The following PLEKHH2 variants were observed in gnomAD, a reference collection of about 807,000 sequenced individuals.
PLEKHH2 encodes pleckstrin homology domain-containing family H member 2.
In PLEKHH2, 129 loss-of-function variants were observed where a neutral mutation model predicts 187.9. That is an observed-to-expected ratio of 0.69 (90% CI 0.59 to 0.79). PLEKHH2 has a LOEUF of 0.79. Ranked by LOEUF, PLEKHH2 falls within the 30% of genes least tolerant of loss-of-function variation. The pLI, the probability that PLEKHH2 is intolerant of heterozygous loss-of-function variation, is 0.00. For synonymous variants in PLEKHH2, 686 were observed against 605.6 expected, an observed-to-expected ratio of 1.13 and a Z score of -1.95; for missense variants, 2,076 against 1,751.2, an observed-to-expected ratio of 1.19 and a Z score of -3.31.
At position 43,678,797 on chromosome 2, in the gene PLEKHH2, C is replaced by G. The variant is rs918272307; in HGVS notation, c.124-66C>G. 7.2e-6 allele frequency: 9 copies of G among 1,250,328 alleles called. No individual in the cohort carries two copies. The African/African-American group carries it at 1.2e-4, about 17-fold the overall frequency. The allele number at this position is 1,250,328 out of a possible 1,614,324, so 77.5% of individuals were successfully genotyped here. ...AGGTAGAATTATGAGATTTTTAAAG[C>G]CTTTTTCAGAAAGGCTCATTTTTCA... On this transcript the variant is annotated intron_variant, in intron 2 of 29. Transcript: ENST00000282406.
intron 2 of PLEKHH2, among the ~76,000 whole-genome samples, chr2:43,672,854 C>T (rs1667555672): frequency 6.6e-6 from 1 of 152,148 alleles, no homozygotes; most frequent in African/African-American, 2.4e-5. Context: ...ATAATCCTGT[C>T]ACCTAGATAT....
intron 19 of PLEKHH2, among the ~76,000 whole-genome samples, chr2:43,734,584 G>T (rs1228494316): frequency 6.6e-6 from 1 of 152,158 alleles, no homozygotes; most frequent in Admixed American, 6.5e-5. Flanking sequence ...GGCTGTTATC[G>T]AAAAGGCAGA....
intron 15 of PLEKHH2, among the ~76,000 whole-genome samples, chr2:43,717,939 G>C (rs1166241345): frequency 2.6e-5 from 4 of 152,222 alleles, no homozygotes; most frequent in Non-Finnish European, 5.9e-5. Context: ...CACCTTGATA[G>C]TGAAGTCAGC....
chr2:43,709,751 G>A (rs535448582), intron 11 of PLEKHH2, among the ~76,000 whole-genome samples: 2 of 152,250 alleles, frequency 1.3e-5, no homozygotes, highest in African/African-American at 4.8e-5. Flanking sequence ...CGGGAGAATC[G>A]CTTGAACCCA....
chr2:43,735,786 G>A (rs1671264282), intron 19 of PLEKHH2, among the ~76,000 whole-genome samples: 1 of 152,132 alleles, frequency 6.6e-6, no homozygotes, highest in Non-Finnish European at 1.5e-5. Context: ...AATCAAGGAT[G>A]GCTAAGTATT....
At chr2:43,721,823 T>C (rs1406490490) in intron 16 of PLEKHH2, among the ~76,000 whole-genome samples, 1 of 151,974 alleles carries the variant, frequency 6.6e-6, no homozygotes, top group Non-Finnish European at 1.5e-5. Context: ...AAGGTGGAGG[T>C]TACAGTGAGC....
At chr2:43,738,596 A>G (rs1671412824) in intron 20 of PLEKHH2, 76 bp downstream of exon 20, 1 of 1,353,842 alleles carries the variant, frequency 7.4e-7, no homozygotes, top group Non-Finnish European at 1.0e-6. Flanking sequence ...ATACACATTC[A>G]GCATAGACAT....
chr2:43,670,715 C>T (rs1443212362), intron 2 of PLEKHH2, among the ~76,000 whole-genome samples: 1 of 151,600 alleles, frequency 6.6e-6, no homozygotes, highest in Non-Finnish European at 1.5e-5. Flanking sequence ...TGCAGAAAGG[C>T]CTGCTAGGAT....
At chr2:43,638,198 G>T (rs2722952) in intron 1 of PLEKHH2, among the ~76,000 whole-genome samples, 2 of 151,924 alleles carry the variant, frequency 1.3e-5, no homozygotes, top group Non-Finnish European at 2.9e-5. Context: ...GTGGTGGTCA[G>T]AAGGTTCCTT....
chr2:43,640,044 T>C (rs115068136), intron 1 of PLEKHH2, among the ~76,000 whole-genome samples: 3 of 152,238 alleles, frequency 2.0e-5, no homozygotes, highest in African/African-American at 7.2e-5. Flanking sequence ...GCTCTGAACA[T>C]TTATTTACAA....
chr2:43,639,714 T>C (rs1703282418), intron 1 of PLEKHH2, among the ~76,000 whole-genome samples: 1 of 140,390 alleles, frequency 7.1e-6, no homozygotes, highest in African/African-American at 2.7e-5. Context: ...TGGAGTGCAA[T>C]GGCAGGATCT....
At chr2:43,649,843 T>A (rs1433409027) in intron 2 of PLEKHH2, among the ~76,000 whole-genome samples, 2 of 152,176 alleles carry the variant, frequency 1.3e-5, no homozygotes, top group African/African-American at 4.8e-5. Flanking sequence ...TCCACATCAG[T>A]GGGTGTGAAG....
At chr2:43,685,217 A>C (rs1489654062) in intron 3 of PLEKHH2, among the ~76,000 whole-genome samples, 2 of 152,248 alleles carry the variant, frequency 1.3e-5, no homozygotes, top group African/African-American at 4.8e-5. Flanking sequence ...TTAACCAAAA[A>C]GGAATATTTT....
In PLEKHH2 at chr2:43,697,163, T is replaced by C. The variant is rs1418968369; in HGVS notation, c.503-8T>C. The stretch of plus-strand genomic sequence containing the variant: ...TTCAAATCTTAATTTTGATTAACGA[T>C]GTTGTAGAAGTTCAAGGAAAGAAGT... On this transcript the variant is annotated splice_polypyrimidine_tract_variant and splice_region_variant and intron_variant, in intron 6 of 29. Coordinates refer to ENST00000282406, the MANE Select transcript of PLEKHH2 (RefSeq NM_172069.4). 3 of 1,553,900 alleles carry C rather than the reference T, an allele frequency of 1.9e-6. No homozygotes were observed. The highest frequency in any genetic ancestry group is 3.4e-4 in the Middle Eastern group (2 of 5,808).
rs1671398511 is a variant in PLEKHH2, at chr2:43,738,353, T to C, written c.2956T>C (p.Phe986Leu). 6.2e-7 allele frequency: 1 copy of C among 1,609,202 alleles called. No individual in the cohort carries two copies. Residue 986 changes from phenylalanine to leucine, a missense_variant, in exon 20 of 30, where the codon TTT becomes CTT. Coordinates refer to ENST00000282406, the MANE Select transcript of PLEKHH2 (RefSeq NM_172069.4). ...AIKLFKTCQL[F>L]INAAVDSPAI... ...TTGTTTAATTCAGACCTGCCAGCTTTTTATAAATGCTGCAGTTGACTCTCC... is the reference window on the plus strand; with the variant it reads ...TTGTTTAATTCAGACCTGCCAGCTTCTTATAAATGCTGCAGTTGACTCTCC...
At chr2:43,731,448 T>A in intron 18 of PLEKHH2, 42 bp from the exon 19 acceptor site, 1 of 1,271,104 alleles carries the variant, frequency 7.9e-7, no homozygotes, top group Non-Finnish European at 1.1e-6. Flanking sequence ...CCACAATAAG[T>A]GGTTTATTCA....
rs1165738346 is a variant in PLEKHH2, at chr2:43,751,158, T to C, written c.3654-2461T>C. On this transcript the variant is annotated intron_variant, in intron 24 of 29. Transcript: ENST00000282406. ...ATTGTAAAGCACTTGGTTCAGAGCC[T>C]GCCACATAGTAAATGCTTTGTAGAT... 2.0e-5 allele frequency among the ~76,000 whole-genome samples: 3 copies of C among 152,224 alleles called. No homozygotes were observed. The East Asian group carries it at 5.8e-4, about 29-fold the overall frequency.
chr2:43,665,772 C>T (rs1173712676), intron 2 of PLEKHH2, among the ~76,000 whole-genome samples: 5 of 133,780 alleles, frequency 3.7e-5, no homozygotes, highest in Admixed American at 7.5e-5. Flanking sequence ...GGGTGCCTCC[C>T]AGTTAGGCTG....
At chr2:43,715,702 G>A (rs1459215298) in intron 15 of PLEKHH2, among the ~76,000 whole-genome samples, 1 of 152,168 alleles carries the variant, frequency 6.6e-6, no homozygotes, top group Admixed American at 6.5e-5. Context: ...GATGATAGCA[G>A]ATAAGAGAGA....
Sources: gnomAD v4.1 joint callset for allele counts (sites outside exome capture counted in the v4.1 genomes callset) on GRCh38, gnomAD v4.1.1 for gene constraint, MANE v1.5 for transcripts, NCBI Gene and HGNC (gene_info 2026-07-23, HGNC 2026-07-21) for gene names.